LNPK: variants seen among roughly 807,000 people sequenced by gnomAD.
The protein encoded by LNPK is endoplasmic reticulum junction formation protein lunapark.
Under a neutral mutation model 55.2 loss-of-function variants are expected in LNPK, and 29 were observed. The ratio of observed to expected loss-of-function variants is 0.53; its 90% CI spans 0.39 to 0.72. The LOEUF (loss-of-function observed/expected upper bound fraction) is 0.72. Ranked by LOEUF, LNPK falls within the 30% of genes least tolerant of loss-of-function variation. The pLI is 0.00. For missense variants in LNPK, 467 were observed against 494.8 expected, an observed-to-expected ratio of 0.94 and a Z score of 0.53; for synonymous variants, 162 against 168.2, an observed-to-expected ratio of 0.96 and a Z score of 0.29.
intron 5 of LNPK, among the ~76,000 whole-genome samples, chr2:175,976,982 C>T (rs1329536717): frequency 2.0e-5 from 3 of 152,072 alleles, no homozygotes; most frequent in African/African-American, 7.3e-5. Flanking sequence ...ATAGGGTAAA[C>T]ATTTACTGAG....
intron 12 of LNPK, 118 bp from the exon 13 acceptor site, chr2:175,930,317 CAAAG>C: frequency 3.4e-6 from 2 of 596,552 alleles, no homozygotes; most frequent in East Asian, 2.9e-5. Flanking sequence ...CACACACACA[CAAAG>C]AAACCATACA....
intron 5 of LNPK, among the ~76,000 whole-genome samples, chr2:175,978,826 T>C (rs1441024719): frequency 6.6e-6 from 1 of 152,082 alleles, no homozygotes; most frequent in Non-Finnish European, 1.5e-5. Flanking sequence ...TTAAAGAGGG[T>C]AGGCTTTGAC....
At chr2:175,974,096 A>G (rs551495905) in intron 5 of LNPK, among the ~76,000 whole-genome samples, 3 of 152,224 alleles carry the variant, frequency 2.0e-5, no homozygotes, top group African/African-American at 7.2e-5. Context: ...GCTTTCTGTG[A>G]GTTGGGAATA....
At chr2:175,983,470 T>C (rs1339825614) in intron 4 of LNPK, among the ~76,000 whole-genome samples, 1 of 152,064 alleles carries the variant, frequency 6.6e-6, no homozygotes, top group Non-Finnish European at 1.5e-5. Context: ...CCAAAGTAAA[T>C]GTACCACAAA....
At chr2:175,978,612 T>G (rs1480146764) in intron 5 of LNPK, among the ~76,000 whole-genome samples, 1 of 152,158 alleles carries the variant, frequency 6.6e-6, no homozygotes, top group Non-Finnish European at 1.5e-5. Flanking sequence ...AAGGTGAATT[T>G]ACTGGGGAAC....
At chr2:175,932,121 T>C (rs1327076169) in intron 12 of LNPK, 3 of 451,906 alleles carry the variant, frequency 6.6e-6, no homozygotes, top group African/African-American at 4.0e-5. Context: ...CAGGCCCACA[T>C]AGTTTGTCAT....
rs1181936075 is a variant in LNPK, at chr2:175,930,041, T to C, written c.1213A>G (p.Thr405Ala). ...TENEEASVIE[T>A]NSTVPGADSI... ...TCAGCTCCAGGAACTGTGGAGTTGG[T>C]TTCAATCACTGAGGCTTCCTCATTC... is the stretch of plus-strand genomic sequence containing the variant. Residue 405 changes from threonine (T) to alanine (A), a missense_variant, in exon 13 of 13, where the codon ACC becomes GCC. Physicochemically the swap from Thr to Ala is moderately conservative, Grantham distance 58. Transcript: ENST00000272748. 6.2e-7 allele frequency: 1 copy of C among 1,613,946 alleles called. No individual in the cohort carries two copies. The highest frequency in any genetic ancestry group is 1.3e-5 in the African/African-American group (1 of 74,896).
chr2:175,936,375 A>G (rs1684546990), intron 12 of LNPK, among the ~76,000 whole-genome samples: 1 of 152,200 alleles, frequency 6.6e-6, no homozygotes, highest in Admixed American at 6.5e-5. Flanking sequence ...TGCTTCATAT[A>G]ATATTCTCAA....
intron 4 of LNPK, among the ~76,000 whole-genome samples, chr2:175,988,979 G>A (rs548219916): frequency 3.7e-4 from 57 of 152,128 alleles, no homozygotes; most frequent in Non-Finnish European, 6.9e-4. Context: ...GTTTTACCGT[G>A]TTAGCCAGGA....
At chr2:175,999,038 G>C (rs2105375360) in intron 1 of LNPK, among the ~76,000 whole-genome samples, 1 of 152,262 alleles carries the variant, frequency 6.6e-6, no homozygotes, top group Admixed American at 6.5e-5. Context: ...ATATTAGAGT[G>C]ATAGTCATTA....
At chr2:175,999,860 G>T (rs1688097203) in intron 1 of LNPK, among the ~76,000 whole-genome samples, 1 of 152,070 alleles carries the variant, frequency 6.6e-6, no homozygotes, top group African/African-American at 2.4e-5. Flanking sequence ...CCGCCTCCTG[G>T]GTTCAAGTGA....
intron 8 of LNPK, among the ~76,000 whole-genome samples, chr2:175,963,024 A>G (rs1162166182): frequency 6.7e-6 from 1 of 148,632 alleles, no homozygotes; most frequent in Non-Finnish European, 1.5e-5. Context: ...CACACCAGTT[A>G]GAATGGCAAT....
intron 5 of LNPK, among the ~76,000 whole-genome samples, chr2:175,972,634 G>C (rs1219315991): frequency 6.6e-6 from 1 of 152,138 alleles, no homozygotes; most frequent in Admixed American, 6.5e-5. Context: ...CATCAAAACT[G>C]ATTGCAAATG....
intron 5 of LNPK, among the ~76,000 whole-genome samples, chr2:175,973,539 T>C (rs1164002145): frequency 6.6e-6 from 1 of 152,224 alleles, no homozygotes; most frequent in East Asian, 1.9e-4. Flanking sequence ...TAAGTCTTTT[T>C]CTGTTACATA....
At chr2:175,941,866 T>G (rs1451329974) in intron 9 of LNPK, among the ~76,000 whole-genome samples, 2 of 114,814 alleles carry the variant, frequency 1.7e-5, no homozygotes, top group East Asian at 5.1e-4. Context: ...AAAAAATACA[T>G]TATGTACAGA....
chr2:175,953,845 T>C (rs1274729395), intron 8 of LNPK, among the ~76,000 whole-genome samples: 2 of 152,002 alleles, frequency 1.3e-5, no homozygotes, highest in African/African-American at 2.4e-5. Context: ...ATTGACTTTA[T>C]ATGTTGTGTA....
At chr2:175,989,781 G>A (rs563753253) in intron 4 of LNPK, among the ~76,000 whole-genome samples, 1 of 152,112 alleles carries the variant, frequency 6.6e-6, no homozygotes, top group South Asian at 2.1e-4. Flanking sequence ...AATCTGAAAG[G>A]CCAAAAAACA....
At chr2:175,987,417 G>A (rs897352371) in intron 4 of LNPK, among the ~76,000 whole-genome samples, 7 of 152,010 alleles carry the variant, frequency 4.6e-5, no homozygotes, top group African/African-American at 1.5e-4. Flanking sequence ...GCAAACTATC[G>A]CAAGGACAAA....
At chr2:175,966,777 T>C (rs1686376150) in intron 6 of LNPK, among the ~76,000 whole-genome samples, 1 of 152,210 alleles carries the variant, frequency 6.6e-6, no homozygotes, top group South Asian at 2.1e-4. Context: ...AAGATCTGGG[T>C]TCAACGCACA....
Sources: gnomAD v4.1 joint callset for allele counts (sites outside exome capture counted in the v4.1 genomes callset) on GRCh38, gnomAD v4.1.1 for gene constraint, MANE v1.5 for transcripts, NCBI Gene and HGNC (gene_info 2026-07-23, HGNC 2026-07-21) for gene names.